The following AHRR variants were observed in gnomAD, a reference collection of about 807,000 sequenced individuals.
AHRR encodes the protein aryl hydrocarbon receptor repressor, also known as ahR repressor.
In AHRR, 28 loss-of-function variants were observed where a neutral mutation model predicts 44.0. The observed-to-expected ratio is 0.64, with a 90% CI of 0.47 to 0.87. The LOEUF (loss-of-function observed/expected upper bound fraction) is 0.87, where lower values mean the gene tolerates loss of function less well. AHRR is among the 40% of genes least tolerant of loss of function. The probability of loss-of-function intolerance (pLI) is 0.00; values close to 1 mark genes in which losing one functional copy is unlikely to be tolerated. For synonymous variants in AHRR, 434 were observed against 407.0 expected, an observed-to-expected ratio of 1.07 and a Z score of -0.80; for missense variants, 990 against 953.9, an observed-to-expected ratio of 1.04 and a Z score of -0.50.
At chr5:420,785 C>T (rs75105386) in intron 5 of AHRR, 9 of 126,596 alleles carry the variant, frequency 7.1e-5, no homozygotes, top group East Asian at 6.1e-4. Flanking sequence ...GACACCTCCG[C>T]GCTGCACGCA....
rs779465009 is a variant in AHRR at position 427,935 on chromosome 5, G to A, written c.837G>A (p.Ala279=). 2.7e-5 allele frequency: 44 copies of A among 1,613,942 alleles called. No individual in the cohort carries two copies. The highest frequency in any genetic ancestry group is 5.0e-5 in the Admixed American group (3 of 60,014). ...CACCCGTTCTCCTCCCCTCCGCAGC[G>A]GAGATGAAAATGAGGAGCGCGCTCC... is the stretch of plus-strand genomic sequence containing the variant. ...IAAPVLLPSA[A]EMKMRSALLR... The change falls in exon 8 of 11, where the codon GCG becomes GCA. Residue 279 remains alanine (A), a synonymous_variant. Coordinates refer to ENST00000684583, the MANE Select transcript of AHRR (RefSeq NM_001377236.1).
At chr5:402,113 A>C (rs1735037451) in intron 4 of AHRR, among the ~76,000 whole-genome samples, 1 of 152,088 alleles carries the variant, frequency 6.6e-6, no homozygotes, top group South Asian at 2.1e-4. Flanking sequence ...AGGAAGAAAA[A>C]ACCCCATTAA....
chr5:390,627 C>T (rs912342944), intron 4 of AHRR, among the ~76,000 whole-genome samples: 1 of 152,120 alleles, frequency 6.6e-6, no homozygotes, highest in East Asian at 1.9e-4. Context: ...GGGGTCAGAG[C>T]TCCAGGAAGA....
In AHRR at chr5:406,637, G is replaced by A. The variant is rs976459079; in HGVS notation, c.352-6707G>A. On this transcript the variant is annotated intron_variant, in intron 4 of 10. Transcript: ENST00000684583. This position sits in a 1 kb window ranked among gnomAD's most constrained non-coding sequence, Gnocchi z 4.7. ...GTTAATTCACAGAGGTTAGGAAAAC[G>A]CTGGTGCAAAAATACGATGCAGGCA... 6.6e-6 allele frequency among the ~76,000 whole-genome samples: 1 copy of A among 152,178 alleles called. No individual in the cohort carries two copies. Among genetic ancestry groups the A allele is most frequent in the African/African-American group, 2.4e-5 (1 of 41,430 alleles).
intron 4 of AHRR, among the ~76,000 whole-genome samples, chr5:402,955 G>A (rs146588943): frequency 1.4e-3 from 207 of 151,440 alleles, no homozygotes; most frequent in African/African-American, 4.9e-3. Flanking sequence ...ACAGTTCTGC[G>A]TGATCTCACT....
At chr5:415,008 G>C (rs1735659607) in intron 5 of AHRR, among the ~76,000 whole-genome samples, 1 of 152,248 alleles carries the variant, frequency 6.6e-6, no homozygotes, top group Non-Finnish European at 1.5e-5. Flanking sequence ...CACTGAGGCT[G>C]AGAGCCAGAC....
At chr5:413,987 G>A (rs1006242695) in intron 5 of AHRR, among the ~76,000 whole-genome samples, 7 of 152,342 alleles carry the variant, frequency 4.6e-5, no homozygotes, top group Non-Finnish European at 7.3e-5. Flanking sequence ...CCACCCAGCC[G>A]GGCGCGGTGG....
chr5:354,429 A>G (rs886674063), intron 3 of AHRR, among the ~76,000 whole-genome samples: 1 of 152,036 alleles, frequency 6.6e-6, no homozygotes, highest in South Asian at 2.1e-4. Context: ...CCGTGCCCGG[A>G]CACAGCTGCT....
intron 5 of AHRR, among the ~76,000 whole-genome samples, chr5:416,691 G>C (rs1228643041): frequency 2.0e-5 from 3 of 152,234 alleles, no homozygotes; most frequent in Non-Finnish European, 4.4e-5. Flanking sequence ...GTGGAGAGTA[G>C]TGGAGTGGGT....
intron 1 of AHRR, among the ~76,000 whole-genome samples, chr5:328,843 T>C (rs73041229): frequency 0.098 from 14,965 of 152,250 alleles, 2,378 homozygotes; most frequent in African/African-American, 0.33. Flanking sequence ...TAACAGGTTA[T>C]ATTGTCACTC....
At chr5:376,801 C>T (rs1003412224) in intron 4 of AHRR, 85 bp downstream of exon 4, 32 of 1,239,362 alleles carry the variant, frequency 2.6e-5, no homozygotes, top group East Asian at 2.0e-4. Context: ...CTCCGTGTCA[C>T]GCATGTTCAG....
intron 4 of AHRR, among the ~76,000 whole-genome samples, chr5:410,360 C>A (rs1241770889): frequency 6.6e-6 from 1 of 152,136 alleles, no homozygotes; most frequent in African/African-American, 2.4e-5. Flanking sequence ...CCATGCCCAG[C>A]TAGTTTTTAA....
intron 5 of AHRR, among the ~76,000 whole-genome samples, 165 bp downstream of exon 5, chr5:413,598 T>C (rs1735564852): frequency 6.6e-6 from 1 of 152,228 alleles, no homozygotes; most frequent in African/African-American, 2.4e-5. Flanking sequence ...TCTAGGGCAG[T>C]GTTTCTTCCA....
rs1024319504 is a variant in AHRR at position 338,900 on chromosome 5, A to T, written c.-10-4993A>T. ...CTATTCATTAGGGGTCCAGTTACACATATATTAGGTCTCTTGAAATACCTA... is the reference window on the plus strand; with the variant it reads ...CTATTCATTAGGGGTCCAGTTACACTTATATTAGGTCTCTTGAAATACCTA... On this transcript the variant is annotated intron_variant, in intron 1 of 10. Coordinates refer to ENST00000684583, the MANE Select transcript of AHRR (RefSeq NM_001377236.1). This position sits in a 1 kb window ranked among gnomAD's most constrained non-coding sequence, Gnocchi z 4.1. Among the ~76,000 whole-genome samples the T allele has an allele frequency of 4.6e-5, 7 of 152,138 alleles. No homozygotes were observed. Among genetic ancestry groups the T allele is most frequent in the Admixed American group, 2.6e-4 (4 of 15,266 alleles).
intron 3 of AHRR, among the ~76,000 whole-genome samples, chr5:362,586 T>C (rs1030676473): frequency 5.3e-5 from 8 of 152,236 alleles, no homozygotes; most frequent in African/African-American, 1.9e-4. Flanking sequence ...GATATTTCTC[T>C]GTACTTGAGA....
At position 352,440 on chromosome 5, in the gene AHRR, G is replaced by C. The variant is rs868629346; in HGVS notation, c.63-1290G>C. ...GGGTCAGCTGTAGGGGATGGTCACT[G>C]TGAGGTTAAATGGGTCAGCTGTAGG... On this transcript the variant is annotated intron_variant, in intron 2 of 10. Coordinates refer to ENST00000684583, the MANE Select transcript of AHRR (RefSeq NM_001377236.1). Among the ~76,000 whole-genome samples, 1,170 of 135,134 alleles carry C rather than the reference G, an allele frequency of 8.7e-3. 1 individual carries two copies. Among genetic ancestry groups the C allele is most frequent in the Non-Finnish European group, 0.012 (754 of 60,960 alleles). 88.7% of individuals were successfully genotyped at this position (135,134 alleles called of 152,430 possible). A position where few individuals can be genotyped will look rare whatever the true frequency, so the allele number is the denominator to read the frequency against.
At chr5:398,803 G>A (rs750335931) in intron 4 of AHRR, among the ~76,000 whole-genome samples, 5 of 152,204 alleles carry the variant, frequency 3.3e-5, no homozygotes, top group African/African-American at 7.2e-5. Context: ...TGCGGGCTCC[G>A]GAGGCCGTGA....
chr5:372,202 G>A (rs1270523776), intron 3 of AHRR, among the ~76,000 whole-genome samples: 1 of 151,766 alleles, frequency 6.6e-6, no homozygotes, highest in African/African-American at 2.4e-5. Flanking sequence ...GGCTGGCGGG[G>A]CCACCCCTGC....
rs1735465731 is a variant in AHRR, at chr5:411,488, T to G, written c.352-1856T>G. On this transcript the variant is annotated intron_variant, in intron 4 of 10. Transcript: ENST00000684583. This position sits in a 1 kb window ranked among gnomAD's most constrained non-coding sequence, Gnocchi z 4.2. Reference sequence around the variant, plus strand: ...CAGTATTTCAAAAGCTCTTAGAAATTGATACTTATAAACCCTAATAGAAAA... The same window carrying G: ...CAGTATTTCAAAAGCTCTTAGAAATGGATACTTATAAACCCTAATAGAAAA... Among the ~76,000 whole-genome samples, 2 of 152,112 alleles carry G rather than the reference T, an allele frequency of 1.3e-5. No individual in the cohort carries two copies. Among genetic ancestry groups the G allele is most frequent in the African/African-American group, 4.8e-5 (2 of 41,448 alleles).
Sources: gnomAD v4.1 joint callset for allele counts (sites outside exome capture counted in the v4.1 genomes callset) on GRCh38, gnomAD v4.1.1 for gene constraint, Gnocchi (gnomAD v3.1) non-coding constraint, MANE v1.5 for transcripts, NCBI Gene and HGNC (gene_info 2026-07-23, HGNC 2026-07-21) for gene names.